PTPRO: variants seen among roughly 807,000 people sequenced by gnomAD.
The protein encoded by PTPRO is protein tyrosine phosphatase receptor type O, also known as receptor-type tyrosine-protein phosphatase O.
PTPRO carries 62 observed loss-of-function variants against 145.2 expected under a neutral mutation model. The observed-to-expected ratio is 0.43, with a 90% CI of 0.35 to 0.53. The LOEUF is 0.53. Among genes scored for constraint, PTPRO ranks in the 20% least tolerant of loss-of-function variants. The pLI is 0.01. For synonymous variants in PTPRO, 565 were observed against 514.7 expected (o/e 1.10, Z -1.32); for missense variants, 1,345 against 1,482.7 (o/e 0.91, Z 1.53).
intron 12 of PTPRO, among the ~76,000 whole-genome samples, chr12:15,539,112 G>C (rs1266321432): frequency 6.6e-6 from 1 of 152,016 alleles, no homozygotes; most frequent in Non-Finnish European, 1.5e-5. Context: ...CTGAAAAGGA[G>C]GTATTCAGAT....
intron 25 of PTPRO, among the ~76,000 whole-genome samples, chr12:15,591,906 AT>A (rs1227225773): frequency 6.6e-6 from 1 of 152,042 alleles, no homozygotes; most frequent in East Asian, 1.9e-4. Context: ...TAATTATGAA[AT>A]AATTAAATAA....
chr12:15,474,008 G>A (rs947233476), intron 1 of PTPRO, among the ~76,000 whole-genome samples: 2 of 152,174 alleles, frequency 1.3e-5, no homozygotes, highest in East Asian at 3.9e-4. Context: ...TACAGAGGCG[G>A]AAGAGAAACC....
At chr12:15,387,640 C>A (rs1401868859) in intron 1 of PTPRO, among the ~76,000 whole-genome samples, 1 of 152,154 alleles carries the variant, frequency 6.6e-6, no homozygotes, top group Non-Finnish European at 1.5e-5. Context: ...TGTAAATTCA[C>A]TTTTGTCAGG....
chr12:15,589,605 T>C lies in PTPRO; in HGVS notation c.3546+15T>C, dbSNP rs770885521. The C allele has an allele frequency of 3.1e-6, 5 of 1,613,628 alleles. No homozygotes were observed. The highest frequency in any genetic ancestry group is 4.2e-6 in the Non-Finnish European group (5 of 1,179,786). ...TACAGACAGAGGTAGGAACATAATC[T>C]ATATGTATTTTTAAATTTTCCCTGG... On this transcript the variant is annotated intron_variant, in intron 25 of 26. Coordinates refer to ENST00000281171, the MANE Select transcript of PTPRO (RefSeq NM_030667.3).
chr12:15,565,760 CA>C, intron 18 of PTPRO, 132 bp downstream of exon 18: 2 of 670,622 alleles, frequency 3.0e-6, no homozygotes, highest in Non-Finnish European at 5.3e-6. Flanking sequence ...AATAGCTAAG[CA>C]CAATAATGTA....
chr12:15,469,486 G>A (rs886909879), intron 1 of PTPRO, among the ~76,000 whole-genome samples: 15 of 152,062 alleles, frequency 9.9e-5, no homozygotes, highest in African/African-American at 3.1e-4. Context: ...GTTGTGGGCC[G>A]ACCCCCTACC....
At chr12:15,384,041 A>T (rs769635752) in intron 1 of PTPRO, among the ~76,000 whole-genome samples, 2 of 152,042 alleles carry the variant, frequency 1.3e-5, no homozygotes, top group African/African-American at 2.4e-5. Flanking sequence ...CAGTCTTATG[A>T]TCTCTATTTT....
At chr12:15,425,502 T>G (rs1354955460) in intron 1 of PTPRO, among the ~76,000 whole-genome samples, 1 of 152,182 alleles carries the variant, frequency 6.6e-6, no homozygotes, top group African/African-American at 2.4e-5. Context: ...ATGATACCTG[T>G]ATTTTATATC....
At position 15,508,741 on chromosome 12, in the gene PTPRO, A is replaced by T. The variant is rs775867094; in HGVS notation, c.1438A>T (p.Arg480Trp). The change falls in exon 7 of 27, where the codon AGG becomes TGG. Residue 480 changes from arginine to tryptophan, a missense_variant. Around this residue, in one of 3 missense-constraint regions of PTPRO, gnomAD observed 1,130 missense variants for 1,214.7 expected, o/e 0.93. Transcript: ENST00000281171. ...LTCQKQKESQ[R>W]LEKQYCTQVN... is the part of the protein sequence containing the mutation. ...CTGCCAGAAACAAAAGGAGAGCCAG[A>T]GGCTTGAAAAGCAGTACTGCACTCA... 6.2e-7 allele frequency: 1 copy of T among 1,614,152 alleles called. No homozygotes were observed. The highest frequency in any genetic ancestry group is 2.2e-5 in the East Asian group (1 of 44,848).
intron 1 of PTPRO, among the ~76,000 whole-genome samples, chr12:15,455,574 T>G (rs253796): frequency 6.6e-6 from 1 of 152,126 alleles, no homozygotes; most frequent in Non-Finnish European, 1.5e-5. Context: ...ACTATAATTA[T>G]GTTTATTCCT....
At chr12:15,456,873 T>C (rs1439229038) in intron 1 of PTPRO, among the ~76,000 whole-genome samples, 1 of 152,192 alleles carries the variant, frequency 6.6e-6, no homozygotes, top group African/African-American at 2.4e-5. Flanking sequence ...TGGGGAAAGT[T>C]ATACTAATAT....
chr12:15,339,658 C>T (rs1019096211), intron 1 of PTPRO, among the ~76,000 whole-genome samples: 5 of 152,094 alleles, frequency 3.3e-5, no homozygotes, highest in Non-Finnish European at 7.4e-5. Context: ...AATCGGTATG[C>T]ACTCTTAGAG....
chr12:15,357,919 A>G (rs1350899921), intron 1 of PTPRO, among the ~76,000 whole-genome samples: 2 of 150,862 alleles, frequency 1.3e-5, no homozygotes, highest in Non-Finnish European at 3.0e-5. Flanking sequence ...TCATGCTGCT[A>G]TAAAGACACA....
chr12:15,374,743 G>A (rs1030769065), intron 1 of PTPRO, among the ~76,000 whole-genome samples: 2 of 152,202 alleles, frequency 1.3e-5, no homozygotes, highest in East Asian at 1.9e-4. Context: ...CACAGTACCA[G>A]TTGGGGTGAA....
intron 1 of PTPRO, among the ~76,000 whole-genome samples, chr12:15,439,025 G>T (rs1940680923): frequency 6.6e-6 from 1 of 152,098 alleles, no homozygotes; most frequent in South Asian, 2.1e-4. Flanking sequence ...TTAAAGATCT[G>T]CTAGAGGACA....
chr12:15,438,350 A>G (rs1014185447), intron 1 of PTPRO, among the ~76,000 whole-genome samples: 1 of 152,130 alleles, frequency 6.6e-6, no homozygotes, highest in Non-Finnish European at 1.5e-5. Context: ...CTCTCCAGCA[A>G]TGGTCCCTAG....
chr12:15,453,116 GAGAAAATCTAGATCCAGATTT>G (rs746658315), intron 1 of PTPRO, among the ~76,000 whole-genome samples: 158 of 152,056 alleles, frequency 1.0e-3, no homozygotes, highest in African/African-American at 3.4e-3. Context: ...GCCTAGCAAG[GAGAAAATCTAGATCCAGATTT>G]AGAAAATCTG....
intron 1 of PTPRO, among the ~76,000 whole-genome samples, chr12:15,396,401 A>C (rs528719627): frequency 6.6e-6 from 1 of 152,150 alleles, no homozygotes; most frequent in Non-Finnish European, 1.5e-5. Context: ...TAAAAACATA[A>C]ATTTCTTAAG....
At chr12:15,432,728 T>C (rs931758546) in intron 1 of PTPRO, among the ~76,000 whole-genome samples, 1 of 152,248 alleles carries the variant, frequency 6.6e-6, no homozygotes, top group Non-Finnish European at 1.5e-5. Flanking sequence ...CATTGTGGTT[T>C]TGATTTGCAT....
Sources: gnomAD v4.1 joint callset for allele counts (sites outside exome capture counted in the v4.1 genomes callset) on GRCh38, gnomAD v4.1.1 for gene constraint, gnomAD v4.1.1 regional missense constraint, MANE v1.5 for transcripts, NCBI Gene and HGNC (gene_info 2026-07-23, HGNC 2026-07-21) for gene names.